Variants in COQ2 observed in about 807,000 individuals in gnomAD.
The protein encoded by COQ2 is coenzyme Q2, polyprenyltransferase.
Under a neutral mutation model 35.7 loss-of-function variants are expected in COQ2, and 25 were observed. The observed-to-expected ratio is 0.70, with a 90% CI of 0.51 to 0.98. COQ2 has a LOEUF of 0.98. COQ2 is among the 50% of genes least tolerant of loss of function. The pLI, the probability that COQ2 is intolerant of heterozygous loss-of-function variation, is 0.00. For missense variants in COQ2, 488 were observed against 473.5 expected (o/e 1.03, Z -0.28); for synonymous variants, 206 against 186.2 (o/e 1.11, Z -0.86).
intron 1 of COQ2, chr4:83,284,232 G>C (rs1383591801): frequency 1.0e-6 from 1 of 985,366 alleles, no homozygotes; most frequent in African/African-American, 1.7e-5. Flanking sequence ...AGACAGACGT[G>C]AAACTGGCGG....
At chr4:83,273,251 G>A (rs996870015) in intron 3 of COQ2, among the ~76,000 whole-genome samples, 2 of 152,116 alleles carry the variant, frequency 1.3e-5, no homozygotes, top group African/African-American at 4.8e-5. Flanking sequence ...TGTCCCTTAG[G>A]GAATGTAGTA....
intron 5 of COQ2, 90 bp downstream of exon 5, chr4:83,269,770 C>G: frequency 2.6e-6 from 3 of 1,160,964 alleles, no homozygotes; most frequent in Non-Finnish European, 3.5e-6. Context: ...AAAACAACAA[C>G]AAATTTTAGA....
At chr4:83,276,105 CAT>C (rs1364085366) in intron 2 of COQ2, among the ~76,000 whole-genome samples, 1 of 138,428 alleles carries the variant, frequency 7.2e-6, no homozygotes, top group African/African-American at 3.0e-5. Flanking sequence ...CATATATATA[CAT>C]ATAGAGTGTA....
At chr4:83,266,591 GGT>G (rs1734925324) in intron 6 of COQ2, 1 of 152,266 alleles carries the variant, frequency 6.6e-6, no homozygotes, top group Non-Finnish European at 1.5e-5. Context: ...CCTGACCTCA[GGT>G]GATCCACCAT....
intron 6 of COQ2, among the ~76,000 whole-genome samples, chr4:83,265,271 C>T (rs1442879961): frequency 3.9e-5 from 6 of 152,136 alleles, no homozygotes; most frequent in South Asian, 2.1e-4. Context: ...AACACTGTAT[C>T]GAAAACTGGA....
intron 4 of COQ2, among the ~76,000 whole-genome samples, chr4:83,270,425 G>A (rs1411942189): frequency 6.6e-6 from 1 of 151,916 alleles, no homozygotes; most frequent in Non-Finnish European, 1.5e-5. Flanking sequence ...ATATACATAC[G>A]AACACTGATC....
Position 83,284,751 on chromosome 4 carries a change from C to A in COQ2, c.14G>T (p.Arg5Leu). Residue 5 changes from arginine to leucine, a missense_variant, in exon 1 of 7, where the codon CGA becomes CTA. Physicochemically the swap from Arg to Leu is moderately radical, Grantham distance 102. Coordinates refer to ENST00000647002, the MANE Select transcript of COQ2 (RefSeq NM_001358921.2). MLGS[R>L]AAGFARGLRA... ...CAGGCCCCGCGCGAACCCCGCGGCT[C>A]GCGAGCCCAGCATGGCGCTGGTGAG... 3 of 1,535,922 alleles carry A rather than the reference C, an allele frequency of 2.0e-6. No homozygotes were observed. Among genetic ancestry groups the A allele is most frequent in the Non-Finnish European group, 2.6e-6 (3 of 1,148,058 alleles).
intron 2 of COQ2, among the ~76,000 whole-genome samples, chr4:83,278,634 G>C (rs184552892): frequency 6.6e-6 from 1 of 152,350 alleles, no homozygotes; most frequent in East Asian, 1.9e-4. Context: ...TTGGACACTT[G>C]AAGGTTCAGG....
At chr4:83,277,679 T>C (rs925265071) in intron 2 of COQ2, among the ~76,000 whole-genome samples, 4 of 152,138 alleles carry the variant, frequency 2.6e-5, no homozygotes, top group African/African-American at 9.7e-5. Context: ...AATTAAAAAA[T>C]AGATTAATGG....
At chr4:83,278,284 C>T (rs1286597813) in intron 2 of COQ2, among the ~76,000 whole-genome samples, 2 of 151,858 alleles carry the variant, frequency 1.3e-5, no homozygotes, top group Non-Finnish European at 2.9e-5. Context: ...AAATAACTGT[C>T]TGTTGAAGAA....
At chr4:83,283,723 A>T (rs1361137853) in intron 1 of COQ2, 5 of 985,272 alleles carry the variant, frequency 5.1e-6, no homozygotes, top group Non-Finnish European at 4.8e-6. Flanking sequence ...CGTAGTAGGA[A>T]CTTATTAATT....
chr4:83,276,099 TATATAC>T (rs982382121), intron 2 of COQ2, among the ~76,000 whole-genome samples: 62 of 146,606 alleles, frequency 4.2e-4, no homozygotes, highest in Non-Finnish European at 7.6e-4. Context: ...CATATTCATA[TATATAC>T]ATATAGAGTG....
rs192826184 is a variant in COQ2, at chr4:83,278,571, G to T, written c.420+377C>A. Among the ~76,000 whole-genome samples the T allele has an allele frequency of 6.4e-4, 98 of 152,322 alleles. No homozygotes were observed. The Middle Eastern group carries it at 0.014, about 21-fold the overall frequency. ...TGCTGCCTTGATTCACTTGATTTAC[G>T]TAAGAATAGTTAGGGCTCTAAAATA... On this transcript the variant is annotated intron_variant, in intron 2 of 6. Coordinates refer to ENST00000647002, the MANE Select transcript of COQ2 (RefSeq NM_001358921.2).
In COQ2 at chr4:83,284,766, G is replaced by A. The variant is rs573669024; in HGVS notation, c.-2C>T. On this transcript the variant is annotated 5_prime_UTR_variant, in exon 1 of 7. Transcript: ENST00000647002. ...CCCCGCGGCTCGCGAGCCCAGCATG[G>A]CGCTGGTGAGGCCGGGACGAGCTCG... The A allele has an allele frequency of 2.6e-6, 4 of 1,555,460 alleles. No individual in the cohort carries two copies. Among genetic ancestry groups the A allele is most frequent in the South Asian group, 1.2e-5 (1 of 84,506 alleles).
intron 1 of COQ2, chr4:83,283,702 T>C (rs1735382154): frequency 1.0e-6 from 1 of 985,436 alleles, no homozygotes. Context: ...TCTATCTCTA[T>C]GGCCGGACAA....
intron 2 of COQ2, among the ~76,000 whole-genome samples, chr4:83,273,993 A>G (rs1430840039): frequency 4.0e-5 from 6 of 150,478 alleles, no homozygotes; most frequent in Non-Finnish European, 8.9e-5. Context: ...AAAAAAAAAA[A>G]AAAAAAAAAA....
At position 83,278,959 on chromosome 4, in the gene COQ2, A is replaced by G. The variant is rs1350025625; in HGVS notation, c.409T>C (p.Tyr137His). The G allele has an allele frequency of 6.3e-7, 1 of 1,589,684 alleles. No homozygotes were observed. Among genetic ancestry groups the G allele is most frequent in the Admixed American group, 1.8e-5 (1 of 54,794 alleles). ...CTINDMWDQDYDKKVTRTANR... is the reference protein window; with the variant it reads ...CTINDMWDQDHDKKVTRTANR... ...CAGGATGAAATTACCTTTTTATCAT[A>G]GTCCTGGTCCCACATGTCATTAATA... is the stretch of plus-strand genomic sequence containing the variant. The change falls in exon 2 of 7, where the codon TAT (tyrosine) becomes CAT (histidine). Residue 137 changes from tyrosine to histidine, a missense_variant. Transcript: ENST00000647002.
chr4:83,269,606 CT>C (rs1391387544), intron 5 of COQ2, among the ~76,000 whole-genome samples: 1 of 152,072 alleles, frequency 6.6e-6, no homozygotes, highest in African/African-American at 2.4e-5. Context: ...ATAGTAAATA[CT>C]ACTTTATTGC....
rs1735063148 is a variant in COQ2, at chr4:83,272,141, C to A, written c.574G>T (p.Val192Phe). 1 of 1,610,876 alleles carries A rather than the reference C, an allele frequency of 6.2e-7. No individual in the cohort carries two copies. The change falls in exon 4 of 7, where the codon GTC becomes TTC. Residue 192 changes from valine to phenylalanine, a missense_variant. Val to Phe is a conservative substitution (Grantham distance 50, BLOSUM62 -1). Coordinates refer to ENST00000647002, the MANE Select transcript of COQ2 (RefSeq NM_001358921.2). ...CTTTTCATTAGTGGGTAGGTGATGA[C>A]AAGAAGTAAGGATCCTGCTCCCAGA... ...IALGAGSLLLVITYPLMKRIS... is the reference protein window; with the variant it reads ...IALGAGSLLLFITYPLMKRIS...
Sources: allele counts gnomAD v4.1 joint callset (sites outside exome capture counted in the v4.1 genomes callset), GRCh38; gene constraint gnomAD v4.1.1; transcripts MANE v1.5; gene names NCBI Gene and HGNC (gene_info 2026-07-23, HGNC 2026-07-21).